ZDHHC3: variants seen among roughly 807,000 people sequenced by gnomAD.
The protein encoded by ZDHHC3 is zDHHC palmitoyltransferase 3, also known as palmitoyltransferase ZDHHC3.
Under a neutral mutation model 30.6 loss-of-function variants are expected in ZDHHC3, and 9 were observed. The observed-to-expected ratio is 0.29, with a 90% confidence interval of 0.18 to 0.51. The LOEUF (loss-of-function observed/expected upper bound fraction) is 0.51, where lower values mean the gene tolerates loss of function less well. Among genes scored for constraint, ZDHHC3 ranks in the 20% least tolerant of loss-of-function variants. The probability of loss-of-function intolerance (pLI) is 0.97; values close to 1 mark genes in which losing one functional copy is unlikely to be tolerated. For missense variants in ZDHHC3, 246 were observed against 384.2 expected, an observed-to-expected ratio of 0.64 and a Z score of 3.01; for synonymous variants, 136 against 140.2, an observed-to-expected ratio of 0.97 and a Z score of 0.21.
At chr3:44,943,745 C>T (rs1702650809) in intron 3 of ZDHHC3, among the ~76,000 whole-genome samples, 1 of 152,162 alleles carries the variant, frequency 6.6e-6, no homozygotes, top group South Asian at 2.1e-4. Flanking sequence ...GTGGCTCACA[C>T]CTGTAATCCC....
chr3:44,945,455 T>G (rs1702835165), intron 2 of ZDHHC3, 163 bp from the exon 3 acceptor site: 9 of 1,051,766 alleles, frequency 8.6e-6, no homozygotes, highest in Non-Finnish European at 1.2e-5. Flanking sequence ...TATGCCAACA[T>G]TAAGGAATAT....
Position 44,926,221 on chromosome 3 carries a change from C to T in ZDHHC3, c.*468G>A, listed in dbSNP as rs1387778883. ...GCCTCAAGGGGTAAGCATCCATCTTCGGTGAGGTTTTATGTCCCATCGGGG... is the reference window on the plus strand; with the variant it reads ...GCCTCAAGGGGTAAGCATCCATCTTTGGTGAGGTTTTATGTCCCATCGGGG... On this transcript the variant is annotated 3_prime_UTR_variant, in exon 7 of 7. Coordinates refer to ENST00000424952, the MANE Select transcript of ZDHHC3 (RefSeq NM_001135179.2). 5.1e-6 allele frequency: 5 copies of T among 986,174 alleles called. No homozygotes were observed. The highest frequency in any genetic ancestry group is 2.3e-4 in the East Asian group (2 of 8,818). The allele number at this position is 986,174 out of a possible 1,614,324, so 61.1% of individuals were successfully genotyped here.
At chr3:44,934,440 C>CTAGGTA (rs55912200) in intron 3 of ZDHHC3, among the ~76,000 whole-genome samples, 76,525 of 151,062 alleles carry the variant, frequency 0.51, 19,938 homozygotes, top group East Asian at 0.88. Flanking sequence ...TGAGGTGCTA[C>CTAGGTA]CAGGGAGGGC....
intron 3 of ZDHHC3, among the ~76,000 whole-genome samples, chr3:44,939,977 C>T (rs764540570): frequency 2.6e-5 from 4 of 152,138 alleles, no homozygotes; most frequent in Admixed American, 6.5e-5. Flanking sequence ...GCCCATCCCA[C>T]GTGGCTGGAG....
chr3:44,933,303 T>C (rs2125826939), intron 4 of ZDHHC3, 104 bp from the exon 5 acceptor site: 10 of 1,046,514 alleles, frequency 9.6e-6, no homozygotes, highest in South Asian at 9.5e-5. Flanking sequence ...GAACACTTAG[T>C]CAGGACAAGG....
chr3:44,933,981 A>G lies in ZDHHC3; in HGVS notation c.435T>C (p.Val145=). The change falls in exon 4 of 7, where the codon GTT becomes GTC. Residue 145 remains valine, a synonymous_variant. Transcript: ENST00000424952. ...CCATCTTCCGAATGCACCGCTTACA[A>G]ACACTGAAACAGCCCACAGGTCAGA... The part of the protein sequence containing the change: ...IKPDRAHHCS[V]CKRCIRKMDH... The G allele has an allele frequency of 6.2e-7, 1 of 1,614,172 alleles. No homozygotes were observed.
intron 3 of ZDHHC3, among the ~76,000 whole-genome samples, chr3:44,936,794 T>C (rs1192749302): frequency 6.6e-6 from 1 of 152,054 alleles, no homozygotes; most frequent in Admixed American, 6.6e-5. Context: ...TGAAATAATA[T>C]GTACAACAAA....
chr3:44,924,127 G>A lies in ZDHHC3; in HGVS notation c.*2562C>T. On this transcript the variant is annotated 3_prime_UTR_variant, in exon 7 of 7. Coordinates refer to ENST00000424952, the MANE Select transcript of ZDHHC3 (RefSeq NM_001135179.2). ...ACGACTGGTTCAATTTCCCATGAGTGCACCAAACAGTACTATCAGAACTCC... is the reference window on the plus strand; with the variant it reads ...ACGACTGGTTCAATTTCCCATGAGTACACCAAACAGTACTATCAGAACTCC... 1 of 985,394 alleles carries A rather than the reference G, an allele frequency of 1.0e-6. No individual in the cohort carries two copies. The highest frequency in any genetic ancestry group is 1.2e-6 in the Non-Finnish European group (1 of 829,918). 61.0% of individuals were successfully genotyped at this position (985,394 alleles called of 1,614,324 possible).
intron 1 of ZDHHC3, among the ~76,000 whole-genome samples, chr3:44,969,161 G>A (rs1270404680): frequency 1.3e-5 from 2 of 152,148 alleles, no homozygotes; most frequent in Non-Finnish European, 2.9e-5. Flanking sequence ...GTAATCCAGT[G>A]CATGATCTCA....
In ZDHHC3 at chr3:44,974,626, T is replaced by C. The variant is rs537581760; in HGVS notation, c.-25+1307A>G. Among the ~76,000 whole-genome samples the C allele has an allele frequency of 2.0e-5, 3 of 152,376 alleles. No individual in the cohort carries two copies. In the East Asian group the frequency reaches 5.8e-4, roughly 29 times the overall value. On this transcript the variant is annotated intron_variant, in intron 1 of 6. Coordinates refer to ENST00000424952, the MANE Select transcript of ZDHHC3 (RefSeq NM_001135179.2). ...TGTGCCTTCATTAGGGAGGAAATCC[T>C]TCCGGCTTCACCTCTTTCAGTTTCC... is the stretch of plus-strand genomic sequence containing the variant.
At position 44,925,097 on chromosome 3, in the gene ZDHHC3, GA is replaced by G. The variant is rs1700876372; in HGVS notation, c.*1591del. 1 of 985,788 alleles carries G rather than the reference GA, an allele frequency of 1.0e-6. No individual in the cohort carries two copies. Among genetic ancestry groups the G allele is most frequent in the Non-Finnish European group, 1.2e-6 (1 of 829,958 alleles). The allele number at this position is 985,788 out of a possible 1,614,324, so 61.1% of individuals were successfully genotyped here. On this transcript the variant is annotated 3_prime_UTR_variant, in exon 7 of 7. Coordinates refer to ENST00000424952, the MANE Select transcript of ZDHHC3 (RefSeq NM_001135179.2). ...GCAATGAAACAAACACCCAACCAGAGAAAACTCAAGTAGATTGTGGATAGTC... is the reference window on the plus strand; with the variant it reads ...GCAATGAAACAAACACCCAACCAGAGAAACTCAAGTAGATTGTGGATAGTC...
At chr3:44,944,373 T>C (rs1702728528) in intron 3 of ZDHHC3, among the ~76,000 whole-genome samples, 1 of 152,196 alleles carries the variant, frequency 6.6e-6, no homozygotes, top group South Asian at 2.1e-4. Context: ...CTCGAACTCC[T>C]GACCTCAGGT....
chr3:44,966,610 A>C (rs1704973998), intron 1 of ZDHHC3, among the ~76,000 whole-genome samples: 1 of 152,204 alleles, frequency 6.6e-6, no homozygotes, highest in Non-Finnish European at 1.5e-5. Context: ...TGATAGTCTT[A>C]AAGTATTCAC....
At chr3:44,947,919 C>T (rs1703090826) in intron 2 of ZDHHC3, among the ~76,000 whole-genome samples, 1 of 152,210 alleles carries the variant, frequency 6.6e-6, no homozygotes, top group African/African-American at 2.4e-5. Context: ...CAAGGATGTG[C>T]CATCCTGGGA....
At chr3:44,966,295 G>A (rs1704946767) in intron 1 of ZDHHC3, among the ~76,000 whole-genome samples, 1 of 152,182 alleles carries the variant, frequency 6.6e-6, no homozygotes, top group South Asian at 2.1e-4. Context: ...GAGTGAATAT[G>A]TGACATTTTA....
intron 1 of ZDHHC3, among the ~76,000 whole-genome samples, chr3:44,963,710 C>T (rs1460043837): frequency 1.3e-5 from 2 of 152,194 alleles, no homozygotes; most frequent in Non-Finnish European, 2.9e-5. Context: ...GAACTGGTTA[C>T]TCAGGCTTCT....
At chr3:44,933,038 G>A in intron 5 of ZDHHC3, 80 bp downstream of exon 5, 1 of 1,613,292 alleles carries the variant, frequency 6.2e-7, no homozygotes, top group Non-Finnish European at 8.5e-7. Flanking sequence ...CACCATGAAG[G>A]AAACAAAGAG....
intron 1 of ZDHHC3, among the ~76,000 whole-genome samples, chr3:44,970,414 C>T (rs1705314414): frequency 6.6e-6 from 1 of 152,240 alleles, no homozygotes; most frequent in Admixed American, 6.5e-5. Flanking sequence ...TACTCCCAAT[C>T]CTGCCACTCG....
chr3:44,940,917 G>C (rs1702388538), intron 3 of ZDHHC3, among the ~76,000 whole-genome samples: 1 of 152,192 alleles, frequency 6.6e-6, no homozygotes, highest in Non-Finnish European at 1.5e-5. Flanking sequence ...ATGGGGTTCT[G>C]TCTCTCCCTA....
Sources: gnomAD v4.1 joint callset for allele counts (sites outside exome capture counted in the v4.1 genomes callset) on GRCh38, gnomAD v4.1.1 for gene constraint, MANE v1.5 for transcripts, NCBI Gene and HGNC (gene_info 2026-07-23, HGNC 2026-07-21) for gene names.